Variants in INO80 observed in about 807,000 individuals in gnomAD.
INO80 encodes chromatin-remodeling ATPase INO80.
A neutral mutation model predicts 203.4 loss-of-function variants in INO80; 20 were observed. The observed-to-expected ratio is 0.10, with a 90% CI of 0.07 to 0.14. The LOEUF (loss-of-function observed/expected upper bound fraction) is 0.14. Ranked by LOEUF, INO80 falls within the 10% of genes least tolerant of loss-of-function variation. The pLI is 1.00. For synonymous variants in INO80, 726 were observed against 685.2 expected, an observed-to-expected ratio of 1.06 and a Z score of -0.93; for missense variants, 1,419 against 1,914.4, an observed-to-expected ratio of 0.74 and a Z score of 4.83.
chr15:40,980,104 G>T lies in INO80; in HGVS notation c.*119C>A. On this transcript the variant is annotated 3_prime_UTR_variant, in exon 36 of 36. Transcript: ENST00000648947. Reference sequence around the variant, plus strand: ...CCACCTGCCTGTCCTTCCCCTGCTGGACATTTCCACTTCTGACTCAGGATG... The same window carrying T: ...CCACCTGCCTGTCCTTCCCCTGCTGTACATTTCCACTTCTGACTCAGGATG... 1 of 831,966 alleles carries T rather than the reference G, an allele frequency of 1.2e-6. No homozygotes were observed. The highest frequency in any genetic ancestry group is 2.0e-6 in the Non-Finnish European group (1 of 495,154). 51.5% of individuals were successfully genotyped at this position (831,966 alleles called of 1,614,324 possible). A position where few individuals can be genotyped will look rare whatever the true frequency, so the allele number is the denominator to read the frequency against.
In INO80 at chr15:41,049,323, T is replaced by C. The variant is rs764127947; in HGVS notation, c.2540A>G (p.His847Arg). ...ATGATTGAAGACCCTGATCTGTCCA[T>C]GACGGTAGATAAACTTTGAAATGTG... ...PYHISKFIYR[H>R]GQIRVFNHSR... Residue 847 changes from histidine (H) to arginine (R), a missense_variant, in exon 21 of 36, where the codon CAT (histidine) becomes CGT (arginine). His to Arg is a conservative substitution (Grantham distance 29). Transcript: ENST00000648947. The C allele has an allele frequency of 5.0e-6, 8 of 1,613,912 alleles. No individual in the cohort carries two copies. The highest frequency in any genetic ancestry group is 1.1e-5 in the South Asian group (1 of 91,080).
At position 41,021,110 on chromosome 15, in the gene INO80, A is replaced by G; in HGVS notation, c.3064T>C (p.Leu1022=). Residue 1022 remains leucine (L), a synonymous_variant, in exon 26 of 36, where the codon TTG becomes CTG. Coordinates refer to ENST00000648947, the MANE Select transcript of INO80 (RefSeq NM_017553.3). The stretch of plus-strand genomic sequence containing the variant: ...CTTCGGTCATTGCAGTAAGAATCCA[A>G]TGGCACTGCGGTAACCTGCAGTTAA... ...VASPRVTAVP[L]DSYCNDRSAE... is the part of the protein sequence containing the mutation. The G allele has an allele frequency of 6.2e-7, 1 of 1,613,468 alleles. No individual in the cohort carries two copies. The highest frequency in any genetic ancestry group is 8.5e-7 in the Non-Finnish European group (1 of 1,179,362).
chr15:41,038,009 T>C (rs1202461063), intron 24 of INO80, among the ~76,000 whole-genome samples: 1 of 130,980 alleles, frequency 7.6e-6, no homozygotes, highest in Non-Finnish European at 1.6e-5. Flanking sequence ...CTCTTCCCTT[T>C]TCTTTTTTTT....
At chr15:41,084,282 G>A (rs1194685563) in intron 7 of INO80, among the ~76,000 whole-genome samples, 2 of 151,828 alleles carry the variant, frequency 1.3e-5, no homozygotes, top group African/African-American at 4.8e-5. Flanking sequence ...GTTATTGGCT[G>A]GGCGTGGTGG....
Position 41,070,579 on chromosome 15 carries a change from A to C in INO80, c.1606-32T>G, listed in dbSNP as rs572564968. On this transcript the variant is annotated intron_variant, in intron 12 of 35. Transcript: ENST00000648947. ...AAAAAAAATACATGGTCAACACCTC[A>C]TGCATTTCATCAAATAAAGTTCAAC... 4 of 1,526,478 alleles carry C rather than the reference A, an allele frequency of 2.6e-6. No individual in the cohort carries two copies. In the African/African-American group the frequency reaches 4.1e-5, roughly 16 times the overall value. 94.6% of individuals were successfully genotyped at this position (1,526,478 alleles called of 1,614,324 possible). A position where few individuals can be genotyped will look rare whatever the true frequency, so the allele number is the denominator to read the frequency against.
chr15:41,001,555 T>G (rs571193580), intron 28 of INO80, among the ~76,000 whole-genome samples: 2 of 152,244 alleles, frequency 1.3e-5, no homozygotes, highest in Non-Finnish European at 2.9e-5. Flanking sequence ...GGTCAGATAA[T>G]GGGGAGAGGA....
In INO80 at chr15:41,096,280, C is replaced by G; in HGVS notation, c.31G>C (p.Gly11Arg). ...GGCTTTGCCAGCTCAGTGCAGCCTCCATCATCCCTGGCACCCAACTCCGAG... is the reference window on the plus strand; with the variant it reads ...GGCTTTGCCAGCTCAGTGCAGCCTCGATCATCCCTGGCACCCAACTCCGAG... MASELGARDD[G>R]GCTELAKPLY... The change falls in exon 2 of 36, where the codon GGA becomes CGA. Residue 11 changes from glycine (G) to arginine (R), a missense_variant. Transcript: ENST00000648947. 1 of 1,605,298 alleles carries G rather than the reference C, an allele frequency of 6.2e-7. No individual in the cohort carries two copies. Among genetic ancestry groups the G allele is most frequent in the Non-Finnish European group, 8.5e-7 (1 of 1,177,776 alleles).
intron 15 of INO80, among the ~76,000 whole-genome samples, chr15:41,059,408 T>C (rs1261959952): frequency 2.6e-5 from 4 of 151,100 alleles, no homozygotes; most frequent in Non-Finnish European, 5.9e-5. Flanking sequence ...GAGGATCACT[T>C]AAGCCCAGGA....
Position 41,079,851 on chromosome 15 carries a change from C to T in INO80, c.981G>A (p.Lys327=), listed in dbSNP as rs149814631. The T allele has an allele frequency of 6.2e-7, 1 of 1,614,002 alleles. No homozygotes were observed. The highest frequency in any genetic ancestry group is 1.3e-5 in the African/African-American group (1 of 74,902). The change falls in exon 9 of 36, where the codon AAG becomes AAA. Residue 327 remains lysine (K), a synonymous_variant. Coordinates refer to ENST00000648947, the MANE Select transcript of INO80 (RefSeq NM_017553.3). ...CACGAGGCAAGGTTTCCTTACAGTT[C>T]TTCTGGGCCTGCAAGGCAGCTCGAC... ...EVRRAALQAQ[K]NCKETLPRAR...
chr15:40,989,263 C>T (rs1299257900), intron 29 of INO80, among the ~76,000 whole-genome samples: 3 of 152,178 alleles, frequency 2.0e-5, no homozygotes, highest in Admixed American at 2.0e-4. Flanking sequence ...ATTTACTAGC[C>T]CATGAATTCC....
intron 28 of INO80, 146 bp downstream of exon 28, chr15:41,005,447 T>A (rs2044027433): frequency 1.7e-6 from 1 of 576,138 alleles, no homozygotes; most frequent in African/African-American, 1.9e-5. Context: ...TAAGCAGATT[T>A]AGTAACTTCT....
At chr15:40,985,243 C>T (rs542649380) in intron 32 of INO80, 95 bp downstream of exon 32, 2 of 838,354 alleles carry the variant, frequency 2.4e-6, no homozygotes, top group East Asian at 2.4e-5. Context: ...TGATAGCAAC[C>T]AGTAACCAAG....
At chr15:41,081,177 C>A in intron 7 of INO80, 104 bp from the exon 8 acceptor site, 1 of 709,872 alleles carries the variant, frequency 1.4e-6, no homozygotes. Flanking sequence ...TAGAAAATGT[C>A]AAGCCAAGCA....
intron 24 of INO80, chr15:41,028,027 G>A (rs1871704615): frequency 9.5e-6 from 2 of 211,144 alleles, no homozygotes; most frequent in South Asian, 2.2e-4. Flanking sequence ...AACTTCATTA[G>A]ACAAATCACT....
At chr15:41,114,427 G>A (rs1455341332) in intron 1 of INO80, among the ~76,000 whole-genome samples, 1 of 152,046 alleles carries the variant, frequency 6.6e-6, no homozygotes, top group East Asian at 1.9e-4. Flanking sequence ...AAGCAAATGA[G>A]GCCATGTGCG....
chr15:41,067,490 T>C lies in INO80; in HGVS notation c.1782+2080A>G, dbSNP rs933227919. Among the ~76,000 whole-genome samples the C allele has an allele frequency of 5.3e-5, 8 of 151,664 alleles. No homozygotes were observed. The East Asian group carries it at 5.8e-4, about 11-fold the overall frequency. ...ACAAGACAAACAATTTAAGAGAAAATAGTCAACAAACTGCATTAGAATGAT... is the reference window on the plus strand; with the variant it reads ...ACAAGACAAACAATTTAAGAGAAAACAGTCAACAAACTGCATTAGAATGAT... On this transcript the variant is annotated intron_variant, in intron 14 of 35. Coordinates refer to ENST00000648947, the MANE Select transcript of INO80 (RefSeq NM_017553.3).
chr15:41,045,777 T>G (rs2044747306), intron 23 of INO80, among the ~76,000 whole-genome samples: 1 of 151,472 alleles, frequency 6.6e-6, no homozygotes, highest in Non-Finnish European at 1.5e-5. Flanking sequence ...TGTGCACGCC[T>G]GTAATCCCAG....
At chr15:40,986,593 G>A (rs2043736618) in intron 31 of INO80, among the ~76,000 whole-genome samples, 1 of 151,410 alleles carries the variant, frequency 6.6e-6, no homozygotes, top group Admixed American at 6.6e-5. Context: ...CAAAGTGCTG[G>A]GATTACAGGT....
chr15:41,083,768 T>C (rs2140634519), intron 7 of INO80, among the ~76,000 whole-genome samples: 1 of 151,692 alleles, frequency 6.6e-6, no homozygotes, highest in South Asian at 2.1e-4. Context: ...GTTTAAAAAG[T>C]GTCATACTAA....
Sources: allele counts gnomAD v4.1 joint callset (sites outside exome capture counted in the v4.1 genomes callset), GRCh38; gene constraint gnomAD v4.1.1; transcripts MANE v1.5; gene names NCBI Gene and HGNC (gene_info 2026-07-23, HGNC 2026-07-21).